Variants in TSNARE1 observed in about 807,000 individuals in gnomAD.
The protein encoded by TSNARE1 is t-SNARE domain-containing protein 1.
In TSNARE1, 49 loss-of-function variants were observed where a neutral mutation model predicts 62.0. The observed-to-expected ratio is 0.79, with a 90% CI of 0.63 to 1.00. The LOEUF is 1.00. Among genes scored for constraint, TSNARE1 ranks in the 50% least tolerant of loss-of-function variants. The probability of loss-of-function intolerance (pLI) is 0.00; values close to 1 mark genes in which losing one functional copy is unlikely to be tolerated. For missense variants in TSNARE1, 755 were observed against 700.1 expected (o/e 1.08, Z -0.88); for synonymous variants, 328 against 294.4 (o/e 1.11, Z -1.17).
chr8:142,262,191 G>A (rs1013993594), intron 12 of TSNARE1, among the ~76,000 whole-genome samples: 5 of 152,064 alleles, frequency 3.3e-5, no homozygotes, highest in Admixed American at 6.5e-5. Flanking sequence ...TTAGGCCTTC[G>A]TTTGCTCACA....
intron 6 of TSNARE1, among the ~76,000 whole-genome samples, chr8:142,324,362 T>C (rs1399608828): frequency 6.6e-6 from 1 of 152,026 alleles, no homozygotes; most frequent in Non-Finnish European, 1.5e-5. Context: ...CTGTGCGAGG[T>C]CTGCACAGCT....
chr8:142,271,438 T>G (rs2130495353), intron 12 of TSNARE1: 4 of 1,251,132 alleles, frequency 3.2e-6, no homozygotes, highest in Non-Finnish European at 4.0e-6. Flanking sequence ...ATGCGGACGT[T>G]TCAGATGCTG....
At chr8:142,353,839 G>A (rs1467622000) in intron 2 of TSNARE1, among the ~76,000 whole-genome samples, 1 of 152,090 alleles carries the variant, frequency 6.6e-6, no homozygotes, top group African/African-American at 2.4e-5. Context: ...GCAGAGAAGG[G>A]CCCCACGGCG....
chr8:142,311,290 G>GTTTTTTTTGTTT (rs1827550371), intron 9 of TSNARE1, among the ~76,000 whole-genome samples: 1 of 57,336 alleles, frequency 1.7e-5, no homozygotes, highest in African/African-American at 9.3e-5. Context: ...AGCCTCTCTA[G>GTTTTTTTTGTTT]TTTTTTTTTT....
In TSNARE1 at chr8:142,342,442, G is replaced by A. The variant is rs149327731; in HGVS notation, c.745+1524C>T. On this transcript the variant is annotated intron_variant, in intron 4 of 13. Coordinates refer to ENST00000524325, the MANE Select transcript of TSNARE1 (RefSeq NM_145003.5). ...GGCTCAGGTATGGGGGCAGATCCCAGCCAATGTCTTGAGGGGAACCTTGGC... is the reference window on the plus strand; with the variant it reads ...GGCTCAGGTATGGGGGCAGATCCCAACCAATGTCTTGAGGGGAACCTTGGC... Among the ~76,000 whole-genome samples the A allele has an allele frequency of 6.3e-3, 957 of 152,326 alleles. 24 individuals carry two copies. The South Asian group carries it at 0.075, about 12-fold the overall frequency.
chr8:142,214,049 C>A (rs1347662803), intron 13 of TSNARE1, among the ~76,000 whole-genome samples: 1 of 152,218 alleles, frequency 6.6e-6, no homozygotes, highest in Non-Finnish European at 1.5e-5. Context: ...CTTTCCATAG[C>A]TGGTATGAGG....
At position 142,222,152 on chromosome 8, in the gene TSNARE1, A is replaced by G. The variant is rs570989813; in HGVS notation, c.*11+7321T>C. On this transcript the variant is annotated intron_variant, in intron 13 of 13. Transcript: ENST00000524325. ...CACTCATCCACTCATTCACTCACTCACTCATCCACTCATCCACTCACTCAC... is the reference window on the plus strand; with the variant it reads ...CACTCATCCACTCATTCACTCACTCGCTCATCCACTCATCCACTCACTCAC... Among the ~76,000 whole-genome samples the G allele has an allele frequency of 2.7e-5, 4 of 147,786 alleles. No individual in the cohort carries two copies. The South Asian group carries it at 6.6e-4, about 24-fold the overall frequency.
chr8:142,310,407 C>T (rs957087378), intron 9 of TSNARE1, among the ~76,000 whole-genome samples: 11 of 152,192 alleles, frequency 7.2e-5, no homozygotes, highest in African/African-American at 2.4e-5. Context: ...CACCGTTCCA[C>T]CGTCGACGTT....
At chr8:142,396,224 G>A (rs906863145) in intron 1 of TSNARE1, among the ~76,000 whole-genome samples, 3 of 151,876 alleles carry the variant, frequency 2.0e-5, no homozygotes, top group African/African-American at 4.8e-5. Flanking sequence ...AGGCTCAGGC[G>A]ATAAACACAA....
chr8:142,236,374 G>A (rs1354341378), intron 12 of TSNARE1, among the ~76,000 whole-genome samples: 1 of 151,908 alleles, frequency 6.6e-6, no homozygotes, highest in Admixed American at 6.6e-5. Context: ...GGCCAGGGCT[G>A]AGCCCAGGAC....
intron 10 of TSNARE1, among the ~76,000 whole-genome samples, chr8:142,292,319 C>T (rs559895552): frequency 6.6e-6 from 1 of 152,102 alleles, no homozygotes; most frequent in Non-Finnish European, 1.5e-5. Flanking sequence ...GGAAGCGAGG[C>T]GAGGGCCGGA....
At chr8:142,323,808 G>A (rs904807178) in intron 6 of TSNARE1, among the ~76,000 whole-genome samples, 5 of 152,160 alleles carry the variant, frequency 3.3e-5, no homozygotes, top group African/African-American at 1.2e-4. Flanking sequence ...TGCCCCTCCC[G>A]CTTGTGTCTC....
At chr8:142,375,191 C>T (rs927396239) in intron 1 of TSNARE1, among the ~76,000 whole-genome samples, 1 of 152,276 alleles carries the variant, frequency 6.6e-6, no homozygotes, top group African/African-American at 2.4e-5. Flanking sequence ...ACAAGCCACA[C>T]ATCTGCTTCT....
At chr8:142,329,507 C>G (rs1456085774) in intron 6 of TSNARE1, among the ~76,000 whole-genome samples, 1 of 152,248 alleles carries the variant, frequency 6.6e-6, no homozygotes, top group East Asian at 1.9e-4. Context: ...GATCTAAGCA[C>G]AGCAGCTTCA....
chr8:142,333,683 A>G (rs1249157545), intron 4 of TSNARE1, among the ~76,000 whole-genome samples: 1 of 152,186 alleles, frequency 6.6e-6, no homozygotes, highest in Non-Finnish European at 1.5e-5. Flanking sequence ...GGGTGCACAC[A>G]GGCCTGTCCA....
chr8:142,380,784 G>A (rs575752357), intron 1 of TSNARE1, among the ~76,000 whole-genome samples: 9 of 152,242 alleles, frequency 5.9e-5, no homozygotes, highest in African/African-American at 1.7e-4. Flanking sequence ...GACGGCCCAC[G>A]GCGGATGCCA....
intron 9 of TSNARE1, among the ~76,000 whole-genome samples, chr8:142,304,452 G>A (rs1276903334): frequency 6.6e-6 from 1 of 152,214 alleles, no homozygotes; most frequent in Non-Finnish European, 1.5e-5. Context: ...TCACAGCCCC[G>A]TGGTCTATGC....
chr8:142,263,109 G>A (rs1818971916), intron 12 of TSNARE1, among the ~76,000 whole-genome samples: 1 of 152,164 alleles, frequency 6.6e-6, no homozygotes, highest in South Asian at 2.1e-4. Flanking sequence ...TGTTTTTAAA[G>A]GAGGGCTCCT....
rs567242458 is a variant in TSNARE1, at chr8:142,378,175, G to A, written c.-39-23412C>T. Among the ~76,000 whole-genome samples the A allele has an allele frequency of 1.5e-4, 23 of 152,332 alleles. 1 individual carries two copies. Among genetic ancestry groups the A allele is most frequent in the South Asian group, 1.0e-3 (5 of 4,822 alleles). ...TTGCCCCAAACAGCCCAGGACACAG[G>A]ACAAACCCTGGTCTGTCCACACACG... On this transcript the variant is annotated intron_variant, in intron 1 of 13. Transcript: ENST00000524325.
Sources: allele counts gnomAD v4.1 joint callset (sites outside exome capture counted in the v4.1 genomes callset), GRCh38; gene constraint gnomAD v4.1.1; transcripts MANE v1.5; gene names NCBI Gene and HGNC (gene_info 2026-07-23, HGNC 2026-07-21).